RIN3: variants seen among roughly 807,000 people sequenced by gnomAD.
The protein encoded by RIN3 is Ras and Rab interactor 3.
In RIN3, 54 loss-of-function variants were observed where a neutral mutation model predicts 76.3. The ratio of observed to expected loss-of-function variants is 0.71; its 90% confidence interval spans 0.57 to 0.89. RIN3 has a LOEUF of 0.89. Ranked by LOEUF, RIN3 falls within the 40% of genes least tolerant of loss-of-function variation. The pLI is 0.00. For missense variants in RIN3, 1,256 were observed against 1,322.1 expected (o/e 0.95, Z 0.78); for synonymous variants, 576 against 564.0 (o/e 1.02, Z -0.30).
chr14:92,678,208 A>C (rs1595506246), intron 8 of RIN3, among the ~76,000 whole-genome samples: 1 of 145,076 alleles, frequency 6.9e-6, no homozygotes. Flanking sequence ...CCATCCACCC[A>C]CCCATTCACC....
intron 1 of RIN3, among the ~76,000 whole-genome samples, chr14:92,518,925 C>CATCAG (rs201028957): frequency 0.019 from 2,852 of 151,838 alleles, 40 homozygotes; most frequent in Middle Eastern, 0.038. Context: ...TGTTGTAGGT[C>CATCAG]ATCAGTAGGG....
At chr14:92,580,142 C>T (rs538212784) in intron 3 of RIN3, among the ~76,000 whole-genome samples, 29 of 152,308 alleles carry the variant, frequency 1.9e-4, no homozygotes, top group Non-Finnish European at 3.5e-4. Flanking sequence ...TTCGGGAGGC[C>T]GAGGCAGGCG....
chr14:92,688,636 A>C lies in RIN3; in HGVS notation c.*384A>C, dbSNP rs1888971660. On this transcript the variant is annotated 3_prime_UTR_variant, in exon 10 of 10. Transcript: ENST00000216487. ...TCTTTGCAAAGAAGGGCCCGAGCTT[A>C]GTTTCCCCAGGACTGGCCTAGGAAG... is the stretch of plus-strand genomic sequence containing the variant. 8.2e-6 allele frequency: 2 copies of C among 244,894 alleles called. No homozygotes were observed. The highest frequency in any genetic ancestry group is 1.6e-5 in the Non-Finnish European group (2 of 126,006). The allele number at this position is 244,894 out of a possible 1,614,324, so 15.2% of individuals were successfully genotyped here.
At chr14:92,626,212 C>A (rs1167271546) in intron 4 of RIN3, among the ~76,000 whole-genome samples, 1 of 152,174 alleles carries the variant, frequency 6.6e-6, no homozygotes, top group Non-Finnish European at 1.5e-5. Context: ...CATTGAGGAT[C>A]TTGGGCTGGG....
At chr14:92,531,152 G>A (rs914046198) in intron 1 of RIN3, among the ~76,000 whole-genome samples, 3 of 152,148 alleles carry the variant, frequency 2.0e-5, no homozygotes, top group South Asian at 4.1e-4. Flanking sequence ...CCGATGGGGT[G>A]GCTTACAAAC....
chr14:92,588,624 C>A (rs1884867363), intron 3 of RIN3, among the ~76,000 whole-genome samples: 2 of 152,008 alleles, frequency 1.3e-5, no homozygotes, highest in South Asian at 4.2e-4. Flanking sequence ...AAGACCCTAC[C>A]CCTTAATACT....
At chr14:92,534,974 G>A (rs1484572445) in intron 1 of RIN3, among the ~76,000 whole-genome samples, 1 of 152,216 alleles carries the variant, frequency 6.6e-6, no homozygotes, top group Non-Finnish European at 1.5e-5. Context: ...AATTGCCACA[G>A]TTGTTTCAGT....
chr14:92,609,559 G>T (rs547654793), intron 3 of RIN3, among the ~76,000 whole-genome samples: 5 of 152,210 alleles, frequency 3.3e-5, no homozygotes, highest in Non-Finnish European at 5.9e-5. Flanking sequence ...TAGGCTGGCC[G>T]GCTCCCTGCC....
At chr14:92,572,163 T>C (rs1329819991) in intron 2 of RIN3, among the ~76,000 whole-genome samples, 1 of 152,208 alleles carries the variant, frequency 6.6e-6, no homozygotes, top group Non-Finnish European at 1.5e-5. Context: ...CTTGTGTCCG[T>C]CCCTTCTCCC....
chr14:92,603,239 C>T (rs1885407754), intron 3 of RIN3, among the ~76,000 whole-genome samples: 1 of 152,168 alleles, frequency 6.6e-6, no homozygotes, highest in Non-Finnish European at 1.5e-5. Flanking sequence ...AGGTGCCACC[C>T]CAGATCATCA....
intron 7 of RIN3, among the ~76,000 whole-genome samples, chr14:92,669,429 A>G (rs1566897324): frequency 6.6e-6 from 1 of 152,178 alleles, no homozygotes; most frequent in Non-Finnish European, 1.5e-5. Context: ...CAATGCCAGG[A>G]CTGGGGAGAG....
chr14:92,602,561 G>A (rs549653547), intron 3 of RIN3, among the ~76,000 whole-genome samples: 8 of 152,316 alleles, frequency 5.3e-5, no homozygotes, highest in Admixed American at 4.6e-4. Context: ...GTAGATAATG[G>A]AGTTGTCATT....
chr14:92,569,047 G>A (rs1897991524), intron 2 of RIN3, among the ~76,000 whole-genome samples: 2 of 152,258 alleles, frequency 1.3e-5, no homozygotes, highest in African/African-American at 4.8e-5. Flanking sequence ...CTGGCCCAGT[G>A]TGCACACGCC....
At chr14:92,612,006 C>T (rs989651521) in intron 3 of RIN3, among the ~76,000 whole-genome samples, 1 of 152,064 alleles carries the variant, frequency 6.6e-6, no homozygotes, top group Non-Finnish European at 1.5e-5. Context: ...CACTTTTAAA[C>T]AAGCAAATCT....
intron 1 of RIN3, among the ~76,000 whole-genome samples, chr14:92,532,306 A>G (rs1896901288): frequency 6.6e-6 from 1 of 152,212 alleles, no homozygotes; most frequent in African/African-American, 2.4e-5. Flanking sequence ...GCAACAGGCT[A>G]GAATAGACCC....
chr14:92,667,553 A>G (rs577762673), intron 7 of RIN3, among the ~76,000 whole-genome samples: 241 of 152,274 alleles, frequency 1.6e-3, no homozygotes, highest in Non-Finnish European at 3.0e-3. Context: ...TTGATGATCA[A>G]AGTCGCTCAT....
At chr14:92,614,477 G>GT (rs1885871168) in intron 3 of RIN3, among the ~76,000 whole-genome samples, 1 of 152,188 alleles carries the variant, frequency 6.6e-6, no homozygotes, top group Non-Finnish European at 1.5e-5. Flanking sequence ...AAAATGATGA[G>GT]TGTATATTAA....
At position 92,688,697 on chromosome 14, in the gene RIN3, G is replaced by A. The variant is rs148732652; in HGVS notation, c.*445G>A. The stretch of plus-strand genomic sequence containing the variant: ...CACAGCTGCTCCCCGTGCCACTCAG[G>A]GTGGACCCAGCATCTCAGGAGCACC... On this transcript the variant is annotated 3_prime_UTR_variant, in exon 10 of 10. Coordinates refer to ENST00000216487, the MANE Select transcript of RIN3 (RefSeq NM_024832.5). 697 of 172,012 alleles carry A rather than the reference G, an allele frequency of 4.1e-3. 8 individuals are homozygous for A. Among genetic ancestry groups the A allele is most frequent in the African/African-American group, 0.016 (662 of 41,958 alleles). The allele number at this position is 172,012 out of a possible 1,614,324, so 10.7% of individuals were successfully genotyped here.
intron 1 of RIN3, chr14:92,515,415 T>TC: frequency 1.8e-6 from 1 of 543,042 alleles, no homozygotes; most frequent in Non-Finnish European, 3.3e-6. Flanking sequence ...CCTAGTGTGA[T>TC]CCACTTCCTC....
Sources: gnomAD v4.1 joint callset for allele counts (sites outside exome capture counted in the v4.1 genomes callset) on GRCh38, gnomAD v4.1.1 for gene constraint, MANE v1.5 for transcripts, NCBI Gene and HGNC (gene_info 2026-07-23, HGNC 2026-07-21) for gene names.